FGF23: variants seen among roughly 807,000 people sequenced by gnomAD.
The protein encoded by FGF23 is phosphatonin.
FGF23 carries 8 observed loss-of-function variants against 9.0 expected under a neutral mutation model. The ratio of observed to expected loss-of-function variants is 0.89; its 90% CI spans 0.52 to 1.60. FGF23 has a LOEUF of 1.60. Ranked by LOEUF, FGF23 falls within the 40% of genes most tolerant of loss-of-function variation. The pLI, the probability that FGF23 is intolerant of heterozygous loss-of-function variation, is 0.00. For missense variants in FGF23, 311 were observed against 344.3 expected, an observed-to-expected ratio of 0.90 and a Z score of 0.77; for synonymous variants, 118 against 146.2, an observed-to-expected ratio of 0.81 and a Z score of 1.39.
At position 4,369,997 on chromosome 12, in the gene FGF23, T is replaced by C; in HGVS notation, c.*346A>G. ...TTTTTTTTTTTTTTTTTTTTTTTTT[T>C]TTTTTATGCTTAAAAGTGATAAAGA... On this transcript the variant is annotated 3_prime_UTR_variant, in exon 3 of 3. Transcript: ENST00000237837. 6.4e-6 allele frequency: 1 copy of C among 156,052 alleles called. No individual in the cohort carries two copies. Among genetic ancestry groups the C allele is most frequent in the Admixed American group, 8.1e-5 (1 of 12,298 alleles). The allele number at this position is 156,052 out of a possible 1,614,324, so 9.7% of individuals were successfully genotyped here. A position where few individuals can be genotyped will look rare whatever the true frequency, so the allele number is the denominator to read the frequency against.
chr12:4,373,698 A>G (rs1338472083), intron 1 of FGF23, among the ~76,000 whole-genome samples: 1 of 152,186 alleles, frequency 6.6e-6, no homozygotes, highest in Non-Finnish European at 1.5e-5. Context: ...GCACAATTAG[A>G]TCATATACTG....
chr12:4,369,320 C>T lies in FGF23; in HGVS notation c.*1023G>A, dbSNP rs1191605352. On this transcript the variant is annotated 3_prime_UTR_variant, in exon 3 of 3. Coordinates refer to ENST00000237837, the MANE Select transcript of FGF23 (RefSeq NM_020638.3). ...ATTTTTCAGTCCACAGAAAACCTAA[C>T]CCAGAGCAGTCCCAGTCTCTCAAAG... 4 of 231,558 alleles carry T rather than the reference C, an allele frequency of 1.7e-5. No homozygotes were observed. Among genetic ancestry groups the T allele is most frequent in the African/African-American group, 8.8e-5 (4 of 45,242 alleles). The allele number at this position is 231,558 out of a possible 1,614,324, so 14.3% of individuals were successfully genotyped here. A position where few individuals can be genotyped will look rare whatever the true frequency, so the allele number is the denominator to read the frequency against.
rs187035769 is a variant in FGF23, at chr12:4,379,635, G to A, written c.-53C>T. The stretch of plus-strand genomic sequence containing the variant: ...GAGATTGAAACCTGACACTCCTGTC[G>A]GGACTCTCCTGGCCCAGGCCTTACT... On this transcript the variant is annotated 5_prime_UTR_variant, in exon 1 of 3. Coordinates refer to ENST00000237837, the MANE Select transcript of FGF23 (RefSeq NM_020638.3). The A allele has an allele frequency of 1.0e-4, 149 of 1,463,860 alleles. No homozygotes were observed. The highest frequency in any genetic ancestry group is 2.3e-4 in the Admixed American group (12 of 51,160). The allele number at this position is 1,463,860 out of a possible 1,614,324, so 90.7% of individuals were successfully genotyped here.
chr12:4,372,533 C>G, intron 2 of FGF23, 61 bp downstream of exon 2: 1 of 1,029,418 alleles, frequency 9.7e-7, no homozygotes, highest in South Asian at 1.3e-5. Context: ...AAGTCTATGT[C>G]GTGTCAAAGA....
At chr12:4,375,259 G>T (rs964229754) in intron 1 of FGF23, among the ~76,000 whole-genome samples, 8 of 152,216 alleles carry the variant, frequency 5.3e-5, no homozygotes, top group African/African-American at 1.9e-4. Flanking sequence ...CCGGGCCCAT[G>T]CCTTGACAGG....
chr12:4,376,390 C>G (rs947044750), intron 1 of FGF23, among the ~76,000 whole-genome samples: 1 of 152,192 alleles, frequency 6.6e-6, no homozygotes, highest in Non-Finnish European at 1.5e-5. Context: ...AAAAATACCC[C>G]TCACATTTTA....
In FGF23 at chr12:4,369,970, C is replaced by CTTTGTTT. The variant is rs1865041594; in HGVS notation, c.*372_*373insAAACAAA. Reference sequence around the variant, plus strand: ...AAGTCTTGAGCTCAGGAACCCACTGCTTTTTTTTTTTTTTTTTTTTTTTTT... The same window carrying CTTTGTTT: ...AAGTCTTGAGCTCAGGAACCCACTGCTTTGTTTTTTTTTTTTTTTTTTTTTTTTTTTT... On this transcript the variant is annotated 3_prime_UTR_variant, in exon 3 of 3. Transcript: ENST00000237837. 1 of 89,684 alleles carries CTTTGTTT rather than the reference C, an allele frequency of 1.1e-5. No individual in the cohort carries two copies. Among genetic ancestry groups the CTTTGTTT allele is most frequent in the African/African-American group, 7.6e-5 (1 of 13,240 alleles). 5.6% of individuals were successfully genotyped at this position (89,684 alleles called of 1,614,324 possible).
chr12:4,372,305 A>C (rs1262620920), intron 2 of FGF23, among the ~76,000 whole-genome samples: 1 of 150,100 alleles, frequency 6.7e-6, no homozygotes, highest in Non-Finnish European at 1.5e-5. Context: ...GTGCACATGT[A>C]CCCTAAAACT....
intron 1 of FGF23, among the ~76,000 whole-genome samples, chr12:4,377,135 C>CT (rs1310195674): frequency 6.6e-6 from 1 of 152,106 alleles, no homozygotes; most frequent in African/African-American, 2.4e-5. Context: ...TCAGTGATCC[C>CT]TTGGGGCCTG....
rs1362644868 is a variant in FGF23, at chr12:4,370,020, AGAG to A, written c.*320_*322del. ...TTTTTTTTATGCTTAAAAGTGATAA[AGAG>A]GAGAGGCACAAGGAAGAGAAATATG... On this transcript the variant is annotated 3_prime_UTR_variant, in exon 3 of 3. Transcript: ENST00000237837. 2.2e-5 allele frequency: 4 copies of A among 182,146 alleles called. No homozygotes were observed. The highest frequency in any genetic ancestry group is 4.2e-5 in the Non-Finnish European group (4 of 95,702). 11.3% of individuals were successfully genotyped at this position (182,146 alleles called of 1,614,324 possible).
chr12:4,371,950 G>A (rs1373372201), intron 2 of FGF23, among the ~76,000 whole-genome samples: 1 of 151,780 alleles, frequency 6.6e-6, no homozygotes, highest in East Asian at 1.9e-4. Context: ...TGATAGACTG[G>A]ATTAAGAAAA....
chr12:4,379,319 G>A, intron 1 of FGF23, 53 bp downstream of exon 1: 7 of 1,533,142 alleles, frequency 4.6e-6, no homozygotes, highest in Non-Finnish European at 6.3e-6. Flanking sequence ...CAAGCCTCCT[G>A]TAGATGGACA....
intron 1 of FGF23, among the ~76,000 whole-genome samples, chr12:4,375,306 G>A (rs1323929793): frequency 6.6e-6 from 1 of 152,196 alleles, no homozygotes; most frequent in East Asian, 1.9e-4. Flanking sequence ...TGTGGGCAGT[G>A]TGTATGGCAC....
Position 4,379,404 on chromosome 12 carries a change from T to C in FGF23, c.179A>G (p.His60Arg). 1 of 1,613,132 alleles carries C rather than the reference T, an allele frequency of 6.2e-7. No homozygotes were observed. The highest frequency in any genetic ancestry group is 8.5e-7 in the Non-Finnish European group (1 of 1,179,992). Residue 60 changes from histidine to arginine, a missense_variant, in exon 1 of 3, where the codon CAT (histidine) becomes CGT (arginine). Around this residue, in one of 3 missense-constraint regions of FGF23, gnomAD observed 102 missense variants for 108.2 expected, o/e 0.94. Transcript: ENST00000237837. ...SYHLQIHKNGHVDGAPHQTIY... is the reference protein window; with the variant it reads ...SYHLQIHKNGRVDGAPHQTIY... ...GGTCTGATGGGGTGCGCCATCCACA[T>C]GGCCATTCTTGTGGATCTGCAGGTG...
rs150019697 is a variant in FGF23 at position 4,375,516 on chromosome 12, T to A, written c.212-2819A>T. Among the ~76,000 whole-genome samples the A allele has an allele frequency of 2.6e-5, 4 of 152,308 alleles. No homozygotes were observed. In the East Asian group the frequency reaches 7.7e-4, roughly 29 times the overall value. On this transcript the variant is annotated intron_variant, in intron 1 of 2. Coordinates refer to ENST00000237837, the MANE Select transcript of FGF23 (RefSeq NM_020638.3). The stretch of plus-strand genomic sequence containing the variant: ...GCATCTTTTCGCAGTCTGCACAGAT[T>A]CAAGGGAGAATTTTGCAGAAGGAAG...
chr12:4,370,994 C>G (rs777250238), intron 2 of FGF23, among the ~76,000 whole-genome samples: 1 of 152,166 alleles, frequency 6.6e-6, no homozygotes, highest in Non-Finnish European at 1.5e-5. Context: ...TCAGAGACTA[C>G]GACTACTGGG....
At chr12:4,376,556 C>G (rs1027016015) in intron 1 of FGF23, among the ~76,000 whole-genome samples, 1 of 151,786 alleles carries the variant, frequency 6.6e-6, no homozygotes, top group Non-Finnish European at 1.5e-5. Flanking sequence ...GAGTCTCACT[C>G]TGTCACCCAG....
Position 4,370,252 on chromosome 12 carries a change from T to G in FGF23, c.*91A>C, listed in dbSNP as rs1189376946. ...AAATTCCATACATGCCCCTGTCACCTTTCCCATCCTCGGAACGTCAAGGGA... is the reference window on the plus strand; with the variant it reads ...AAATTCCATACATGCCCCTGTCACCGTTCCCATCCTCGGAACGTCAAGGGA... On this transcript the variant is annotated 3_prime_UTR_variant, in exon 3 of 3. Coordinates refer to ENST00000237837, the MANE Select transcript of FGF23 (RefSeq NM_020638.3). 1.5e-6 allele frequency: 2 copies of G among 1,316,798 alleles called. No individual in the cohort carries two copies. The highest frequency in any genetic ancestry group is 2.2e-6 in the Non-Finnish European group (2 of 923,314). 81.6% of individuals were successfully genotyped at this position (1,316,798 alleles called of 1,614,324 possible).
At chr12:4,377,735 A>G (rs1398409872) in intron 1 of FGF23, among the ~76,000 whole-genome samples, 1 of 150,508 alleles carries the variant, frequency 6.6e-6, no homozygotes, top group Non-Finnish European at 1.5e-5. Flanking sequence ...TGGCCCACAT[A>G]TAGTCTTGAA....
Sources: gnomAD v4.1 joint callset for allele counts (sites outside exome capture counted in the v4.1 genomes callset) on GRCh38, gnomAD v4.1.1 for gene constraint, gnomAD v4.1.1 regional missense constraint, MANE v1.5 for transcripts, NCBI Gene and HGNC (gene_info 2026-07-23, HGNC 2026-07-21) for gene names.